FAM110B: variants seen among roughly 807,000 people sequenced by gnomAD.
FAM110B encodes protein FAM110B.
FAM110B carries 6 observed loss-of-function variants against 20.4 expected under a neutral mutation model. The ratio of observed to expected loss-of-function variants is 0.29; its 90% CI spans 0.16 to 0.58. The LOEUF is 0.58. Ranked by LOEUF, FAM110B falls within the 20% of genes least tolerant of loss-of-function variation. The probability of loss-of-function intolerance (pLI) is 0.90; values close to 1 mark genes in which losing one functional copy is unlikely to be tolerated. For missense variants in FAM110B, 434 were observed against 498.2 expected (o/e 0.87, Z 1.23); for synonymous variants, 226 against 214.1 (o/e 1.06, Z -0.49).
chr8:58,020,819 C>T (rs1259855271), intron 1 of FAM110B, among the ~76,000 whole-genome samples: 1 of 152,116 alleles, frequency 6.6e-6, no homozygotes, highest in African/African-American at 2.4e-5. Context: ...TCTGTCCCAC[C>T]AGTGCATGCC....
At position 58,071,397 on chromosome 8, in the gene FAM110B, C is replaced by T. The variant is rs186779918; in HGVS notation, c.-413-4138C>T. Among the ~76,000 whole-genome samples, 9 of 152,320 alleles carry T rather than the reference C, an allele frequency of 5.9e-5. No individual in the cohort carries two copies. In the East Asian group the frequency reaches 1.2e-3, roughly 20 times the overall value. ...CTTGTGTATTGAGTCACCAGTCACA[C>T]GGCTGGCTGCCAGCCACCACGCGTC... is the stretch of plus-strand genomic sequence containing the variant. On this transcript the variant is annotated intron_variant, in intron 2 of 3. Transcript: ENST00000519262.
intron 3 of FAM110B, among the ~76,000 whole-genome samples, chr8:58,122,337 C>G (rs1024579551): frequency 6.6e-5 from 10 of 152,022 alleles, no homozygotes; most frequent in African/African-American, 2.4e-4. Flanking sequence ...TATTCCAGCC[C>G]TAGAAGTACT....
At chr8:58,066,009 C>T (rs1805752300) in intron 2 of FAM110B, among the ~76,000 whole-genome samples, 1 of 152,004 alleles carries the variant, frequency 6.6e-6, no homozygotes, top group African/African-American at 2.4e-5. Context: ...GGAGGAGGAG[C>T]CGTGATGACA....
intron 2 of FAM110B, among the ~76,000 whole-genome samples, chr8:58,054,716 C>T (rs995319536): frequency 6.6e-5 from 10 of 152,064 alleles, no homozygotes; most frequent in African/African-American, 2.4e-4. Context: ...ATGTTTGCAG[C>T]TAGAGGCTTG....
At position 58,105,812 on chromosome 8, in the gene FAM110B, C is replaced by T. The variant is rs1051314312; in HGVS notation, c.-325+30189C>T. Among the ~76,000 whole-genome samples, 8 of 151,978 alleles carry T rather than the reference C, an allele frequency of 5.3e-5. No homozygotes were observed. In the East Asian group the frequency reaches 5.8e-4, roughly 11 times the overall value. On this transcript the variant is annotated intron_variant, in intron 3 of 3. Transcript: ENST00000519262. ...CTCTCAATCTCCTGACCTTGTGATC[C>T]GCCCGCCTCAGCCTCCCAAAGTGCT...
chr8:58,025,183 A>G (rs1203286590), intron 1 of FAM110B, among the ~76,000 whole-genome samples: 1 of 152,134 alleles, frequency 6.6e-6, no homozygotes, highest in Admixed American at 6.6e-5. Context: ...ATCTGGGGCA[A>G]ATGTTTTTGT....
At chr8:58,120,234 A>G (rs963073051) in intron 3 of FAM110B, among the ~76,000 whole-genome samples, 3 of 152,222 alleles carry the variant, frequency 2.0e-5, no homozygotes, top group African/African-American at 7.2e-5. Context: ...AGATTGCTTT[A>G]GGAATCCCTC....
intron 3 of FAM110B, among the ~76,000 whole-genome samples, chr8:58,095,346 G>T (rs1212748826): frequency 6.6e-6 from 1 of 152,112 alleles, no homozygotes; most frequent in African/African-American, 2.4e-5. Flanking sequence ...GTCGATTTTA[G>T]ATCTTTCCTG....
chr8:58,142,837 C>G (rs1353697950), intron 3 of FAM110B, among the ~76,000 whole-genome samples: 1 of 152,172 alleles, frequency 6.6e-6, no homozygotes, highest in African/African-American at 2.4e-5. Flanking sequence ...TGATGAAACC[C>G]TACGGGGCCA....
At chr8:58,011,282 T>C (rs1199887341) in intron 1 of FAM110B, among the ~76,000 whole-genome samples, 1 of 152,156 alleles carries the variant, frequency 6.6e-6, no homozygotes, top group African/African-American at 2.4e-5. Flanking sequence ...CTAAGCTCCC[T>C]AACAGTAGGA....
At chr8:58,025,002 T>C (rs1185267158) in intron 1 of FAM110B, among the ~76,000 whole-genome samples, 1 of 152,206 alleles carries the variant, frequency 6.6e-6, no homozygotes, top group Non-Finnish European at 1.5e-5. Context: ...ATAACCCACG[T>C]TGATACACTG....
intron 2 of FAM110B, among the ~76,000 whole-genome samples, chr8:58,047,592 CT>C (rs36094984): frequency 4.7e-5 from 1 of 21,292 alleles, no homozygotes; most frequent in Admixed American, 4.6e-4. Flanking sequence ...TTCCTTTTTC[CT>C]CTCTCTCTCT....
At chr8:58,088,033 A>G (rs1806381186) in intron 3 of FAM110B, among the ~76,000 whole-genome samples, 2 of 152,214 alleles carry the variant, frequency 1.3e-5, no homozygotes, top group African/African-American at 4.8e-5. Flanking sequence ...TCAACTCAAT[A>G]CCTGATACCT....
chr8:58,066,516 G>C (rs1420771449), intron 2 of FAM110B, among the ~76,000 whole-genome samples: 2 of 152,194 alleles, frequency 1.3e-5, no homozygotes, highest in Admixed American at 1.3e-4. Flanking sequence ...GGCCACAGCT[G>C]AGTAAGTGTC....
intron 1 of FAM110B, among the ~76,000 whole-genome samples, chr8:57,999,179 A>C (rs562510579): frequency 3.3e-4 from 51 of 152,258 alleles, no homozygotes; most frequent in Non-Finnish European, 5.9e-4. Flanking sequence ...TAAATCTATG[A>C]CTTTAAAATT....
chr8:58,012,775 G>A (rs1335001746), intron 1 of FAM110B, among the ~76,000 whole-genome samples: 1 of 152,186 alleles, frequency 6.6e-6, no homozygotes, highest in East Asian at 1.9e-4. Flanking sequence ...TTAGTAACAG[G>A]GACATTGGTG....
intron 1 of FAM110B, among the ~76,000 whole-genome samples, chr8:58,004,804 C>G (rs1484919471): frequency 6.6e-6 from 1 of 152,194 alleles, no homozygotes; most frequent in Non-Finnish European, 1.5e-5. Context: ...TCCTTTGCAG[C>G]TCTGTCATCT....
chr8:58,020,325 T>A (rs1345836894), intron 1 of FAM110B, among the ~76,000 whole-genome samples: 1 of 152,226 alleles, frequency 6.6e-6, no homozygotes, highest in Non-Finnish European at 1.5e-5. Flanking sequence ...TTATGGATAA[T>A]ATTTTCCCAT....
chr8:58,146,672 C>T lies in FAM110B; in HGVS notation c.442C>T (p.Arg148Trp), dbSNP rs373901437. The change falls in exon 4 of 4, where the codon CGG (arginine) becomes TGG (tryptophan). Residue 148 changes from arginine to tryptophan, a missense_variant. Physicochemically the swap from Arg to Trp is moderately radical, Grantham distance 101 (BLOSUM62 -3). This residue lies in a region of FAM110B where 284 missense variants were observed against 278.3 expected (regional missense o/e 1.02). Transcript: ENST00000519262. Reference sequence around the variant, plus strand: ...CAGCTCCCGCAACTGGCCGCCCCACCGGTCGGAAGCCACTGACCTGCACCG... The same window carrying T: ...CAGCTCCCGCAACTGGCCGCCCCACTGGTCGGAAGCCACTGACCTGCACCG... ...KHSSRNWPPH[R>W]SEATDLHRHS... 93 of 1,612,364 alleles carry T rather than the reference C, an allele frequency of 5.8e-5. No individual in the cohort carries two copies. The highest frequency in any genetic ancestry group is 7.6e-5 in the Non-Finnish European group (90 of 1,179,426).
Sources: allele counts gnomAD v4.1 joint callset (sites outside exome capture counted in the v4.1 genomes callset), GRCh38; gene constraint gnomAD v4.1.1; regional missense constraint gnomAD v4.1.1; transcripts MANE v1.5; gene names NCBI Gene and HGNC (gene_info 2026-07-23, HGNC 2026-07-21).